BRDT: variants seen among roughly 807,000 people sequenced by gnomAD.
The protein encoded by BRDT is bromodomain testis-specific protein.
BRDT carries 77 observed loss-of-function variants against 113.9 expected under a neutral mutation model. The ratio of observed to expected loss-of-function variants is 0.68; its 90% CI spans 0.56 to 0.82. BRDT has a LOEUF of 0.82. Among genes scored for constraint, BRDT ranks in the 40% least tolerant of loss-of-function variants. The probability of loss-of-function intolerance (pLI) is 0.00; values close to 1 mark genes in which losing one functional copy is unlikely to be tolerated. For missense variants in BRDT, 1,027 were observed against 1,105.4 expected, an observed-to-expected ratio of 0.93 and a Z score of 1.01; for synonymous variants, 358 against 366.5, an observed-to-expected ratio of 0.98 and a Z score of 0.26.
At chr1:91,984,482 G>A (rs1685016682) in intron 12 of BRDT, among the ~76,000 whole-genome samples, 1 of 152,094 alleles carries the variant, frequency 6.6e-6, no homozygotes, top group Non-Finnish European at 1.5e-5. Context: ...CAAATTCTAT[G>A]TCAAAGTTTC....
intron 12 of BRDT, among the ~76,000 whole-genome samples, chr1:91,983,506 G>A (rs1007421678): frequency 6.6e-6 from 1 of 151,810 alleles, no homozygotes; most frequent in Admixed American, 6.6e-5. Flanking sequence ...CACCCACCTC[G>A]GCCTCCCAAA....
intron 15 of BRDT, among the ~76,000 whole-genome samples, chr1:91,994,631 C>T (rs1225971871): frequency 1.3e-5 from 2 of 151,958 alleles, no homozygotes; most frequent in African/African-American, 2.4e-5. Context: ...CTTTGGGAGG[C>T]CGAGGCGGGC....
chr1:91,994,695 C>G (rs1686112078), intron 15 of BRDT, among the ~76,000 whole-genome samples: 1 of 151,120 alleles, frequency 6.6e-6, no homozygotes, highest in South Asian at 2.1e-4. Context: ...GGTGAAACCC[C>G]GTCTCTACTA....
intron 1 of BRDT, among the ~76,000 whole-genome samples, chr1:91,954,353 C>T (rs369562102): frequency 8.9e-5 from 13 of 146,844 alleles, no homozygotes; most frequent in African/African-American, 3.0e-4. Context: ...AATCATGGCT[C>T]ACTGCAGCCT....
rs116510805 is a variant in BRDT, at chr1:91,990,252, A to T, written c.2003-932A>T. Among the ~76,000 whole-genome samples, 657 of 152,304 alleles carry T rather than the reference A, an allele frequency of 4.3e-3. 5 individuals are homozygous for T. Among genetic ancestry groups the T allele is most frequent in the Middle Eastern group, 0.017 (5 of 294 alleles). ...TACAGTATTTCTAAAGGCAGAGGAG[A>T]TACTATAAAACTCATTTCTTGCTGT... On this transcript the variant is annotated intron_variant, in intron 12 of 18. Coordinates refer to ENST00000399546, the MANE Select transcript of BRDT (RefSeq NM_207189.4).
Position 91,995,397 on chromosome 1 carries a change from A to C in BRDT, c.2287+1143A>C, listed in dbSNP as rs1032500059. 2.0e-4 allele frequency among the ~76,000 whole-genome samples: 29 copies of C among 144,124 alleles called. No homozygotes were observed. The East Asian group carries it at 3.7e-3, about 19-fold the overall frequency. 94.6% of individuals were successfully genotyped at this position (144,124 alleles called of 152,430 possible). ...ACAGCTTTCAGTTTAAAATCTCCCTACTATTCTGTGTGTGTGTGTGTGTGT... is the reference window on the plus strand; with the variant it reads ...ACAGCTTTCAGTTTAAAATCTCCCTCCTATTCTGTGTGTGTGTGTGTGTGT... On this transcript the variant is annotated intron_variant, in intron 15 of 18. Transcript: ENST00000399546.
chr1:91,992,982 A>C (rs187338446), intron 14 of BRDT, among the ~76,000 whole-genome samples: 1 of 152,302 alleles, frequency 6.6e-6, no homozygotes, highest in African/African-American at 2.4e-5. Flanking sequence ...CACCTTTTTA[A>C]TGGTCTATTT....
At position 91,991,246 on chromosome 1, in the gene BRDT, G is replaced by A; in HGVS notation, c.2064+1G>A. 1 of 1,509,614 alleles carries A rather than the reference G, an allele frequency of 6.6e-7. No individual in the cohort carries two copies. The allele number at this position is 1,509,614 out of a possible 1,614,324, so 93.5% of individuals were successfully genotyped here. On this transcript the variant is annotated splice_donor_variant, in intron 13 of 18. Coordinates refer to ENST00000399546, the MANE Select transcript of BRDT (RefSeq NM_207189.4). LOFTEE classifies it high-confidence loss of function. ...TTCTCCTTCTAAAGAGAATGTAAAG[G>A]TAAGTGAATTCTTTATTTGTATCTG...
chr1:92,003,235 A>G (rs1687014981), intron 16 of BRDT, among the ~76,000 whole-genome samples: 1 of 152,216 alleles, frequency 6.6e-6, no homozygotes, highest in Non-Finnish European at 1.5e-5. Flanking sequence ...GATAGAAATA[A>G]AAGGCCTATA....
intron 18 of BRDT, 41 bp from the exon 19 acceptor site, chr1:92,014,165 C>T (rs1165064209): frequency 7.4e-7 from 1 of 1,350,658 alleles, no homozygotes; most frequent in Non-Finnish European, 1.0e-6. Flanking sequence ...TAAAGACATA[C>T]ATTTTTAAAG....
In BRDT at chr1:91,962,137, T is replaced by A. The variant is rs555550111; in HGVS notation, c.-37-581T>A. Among the ~76,000 whole-genome samples, 240 of 86,886 alleles carry A rather than the reference T, an allele frequency of 2.8e-3. 8 individuals are homozygous for A. Among genetic ancestry groups the A allele is most frequent in the Middle Eastern group, 0.026 (2 of 78 alleles). 57.0% of individuals were successfully genotyped at this position (86,886 alleles called of 152,430 possible). On this transcript the variant is annotated intron_variant, in intron 1 of 18. Coordinates refer to ENST00000399546, the MANE Select transcript of BRDT (RefSeq NM_207189.4). ...TCCAGCCTGGGTGACAGAGCAAGACTCCGTCTCAAAAAAAAAAAAAAAAAA... is the reference window on the plus strand; with the variant it reads ...TCCAGCCTGGGTGACAGAGCAAGACACCGTCTCAAAAAAAAAAAAAAAAAA...
chr1:91,980,522 A>T (rs1684614577), intron 8 of BRDT, 121 bp from the exon 9 acceptor site: 5 of 846,878 alleles, frequency 5.9e-6, no homozygotes, highest in Non-Finnish European at 8.3e-6. Flanking sequence ...AACTTGAAGG[A>T]AATGTAATAA....
chr1:92,006,314 G>A (rs1336826272), intron 18 of BRDT, among the ~76,000 whole-genome samples: 1 of 151,886 alleles, frequency 6.6e-6, no homozygotes, highest in Non-Finnish European at 1.5e-5. Context: ...ATTTAAAATA[G>A]GCACTTCACC....
intron 12 of BRDT, among the ~76,000 whole-genome samples, chr1:91,982,922 G>A (rs574546862): frequency 3.9e-5 from 6 of 152,106 alleles, no homozygotes; most frequent in East Asian, 1.9e-4. Flanking sequence ...ATTTTCAATT[G>A]TAATTAGCAT....
intron 18 of BRDT, among the ~76,000 whole-genome samples, chr1:92,007,470 T>C (rs1373771238): frequency 6.6e-6 from 1 of 152,194 alleles, no homozygotes; most frequent in South Asian, 2.1e-4. Flanking sequence ...CTCCCACTTA[T>C]AGGTGAGAAC....
rs1688029507 is a variant in BRDT at position 92,014,187 on chromosome 1, T to A, written c.2776-19T>A. On this transcript the variant is annotated intron_variant, in intron 18 of 18. Coordinates refer to ENST00000399546, the MANE Select transcript of BRDT (RefSeq NM_207189.4). ...ATACATTTTTAAAGTAATATTAAAA[T>A]TTTCTGCTTTTTCTACAGATGGTGG... is the stretch of plus-strand genomic sequence containing the variant. The A allele has an allele frequency of 1.9e-6, 3 of 1,556,472 alleles. No homozygotes were observed. In the African/African-American group the frequency reaches 4.1e-5, roughly 21 times the overall value.
At chr1:91,964,878 C>CGTGTGT (rs59328937) in intron 3 of BRDT, 114 bp downstream of exon 3, 13 of 344,242 alleles carry the variant, frequency 3.8e-5, no homozygotes, top group East Asian at 1.3e-4. Context: ...AGATACTTGA[C>CGTGTGT]GTGTGTGTGT....
At chr1:92,004,294 G>A (rs1486221262) in intron 16 of BRDT, 120 bp from the exon 17 acceptor site, 2 of 616,380 alleles carry the variant, frequency 3.2e-6, no homozygotes, top group Non-Finnish European at 5.5e-6. Context: ...TTTAGTAAAA[G>A]TACATGAAGC....
chr1:91,960,433 A>G (rs1426290852), intron 1 of BRDT, among the ~76,000 whole-genome samples: 1 of 152,218 alleles, frequency 6.6e-6, no homozygotes, highest in South Asian at 2.1e-4. Context: ...GGAAAAATAA[A>G]CCAATCACAA....
Sources: gnomAD v4.1 joint callset for allele counts (sites outside exome capture counted in the v4.1 genomes callset) on GRCh38, gnomAD v4.1.1 for gene constraint, MANE v1.5 for transcripts, NCBI Gene and HGNC (gene_info 2026-07-23, HGNC 2026-07-21) for gene names.